Variants in CCDC77 observed in about 807,000 individuals in gnomAD.
The protein encoded by CCDC77 is coiled-coil domain-containing protein 77.
CCDC77 carries 56 observed loss-of-function variants against 66.8 expected under a neutral mutation model. That is an observed-to-expected ratio of 0.84 (90% CI 0.68 to 1.05). CCDC77 has a LOEUF of 1.05. Ranked by LOEUF, CCDC77 falls within the 50% of genes least tolerant of loss-of-function variation. The probability of loss-of-function intolerance (pLI) is 0.00; values close to 1 mark genes in which losing one functional copy is unlikely to be tolerated. For missense variants in CCDC77, 570 were observed against 576.8 expected, an observed-to-expected ratio of 0.99 and a Z score of 0.12; for synonymous variants, 196 against 195.2, an observed-to-expected ratio of 1.00 and a Z score of -0.03.
intron 1 of CCDC77, among the ~76,000 whole-genome samples, chr12:405,000 G>A (rs1434475701): frequency 6.6e-6 from 1 of 152,134 alleles, no homozygotes; most frequent in Non-Finnish European, 1.5e-5. Flanking sequence ...GGGATTACAG[G>A]CAGGAGCCAC....
At chr12:390,098 T>C (rs1944727213) in intron 1 of CCDC77, 1 of 133,978 alleles carries the variant, frequency 7.5e-6, no homozygotes, top group Admixed American at 8.4e-5. Flanking sequence ...CATTAATGAC[T>C]TCATCTATTC....
At chr12:406,118 C>T (rs1454046803) in intron 2 of CCDC77, among the ~76,000 whole-genome samples, 1 of 152,104 alleles carries the variant, frequency 6.6e-6, no homozygotes, top group East Asian at 1.9e-4. Flanking sequence ...CCATGTTGCC[C>T]AGGCTGGTCT....
rs763463538 is a variant in CCDC77, at chr12:441,906, C to G, written c.1453C>G (p.Leu485Val). The G allele has an allele frequency of 2.2e-5, 36 of 1,614,010 alleles. No homozygotes were observed. Among genetic ancestry groups the G allele is most frequent in the Non-Finnish European group, 2.8e-5 (33 of 1,180,032 alleles). Reference protein sequence around the residue: ...KSKVFGLENELRLC With the variant: ...KSKVFGLENEVRLC ...GAAAGTGTTTGGTCTGGAGAATGAA[C>G]TTAGACTCTGTTAATGTCTACTTTT... The change falls in exon 13 of 13, where the codon CTT (leucine) becomes GTT (valine). Residue 485 changes from leucine (L) to valine (V), a missense_variant. Physicochemically the swap from Leu to Val is conservative, Grantham distance 32. Transcript: ENST00000239830.
chr12:416,401 A>G lies in CCDC77; in HGVS notation c.271-2093A>G, dbSNP rs183878343. Among the ~76,000 whole-genome samples the G allele has an allele frequency of 2.6e-3, 138 of 53,624 alleles. 12 individuals are homozygous for G. The East Asian group carries it at 0.057, about 22-fold the overall frequency. The allele number at this position is 53,624 out of a possible 152,430, so 35.2% of individuals were successfully genotyped here. On this transcript the variant is annotated intron_variant, in intron 4 of 12. Coordinates refer to ENST00000239830, the MANE Select transcript of CCDC77 (RefSeq NM_032358.4). ...TGTATATATATATATATATATATAT[A>G]TATATATATATATATTTCTTTTTTT...
intron 10 of CCDC77, among the ~76,000 whole-genome samples, chr12:440,360 G>A (rs970488221): frequency 1.3e-5 from 2 of 152,168 alleles, no homozygotes; most frequent in Non-Finnish European, 2.9e-5. Context: ...CAGCTTCTGA[G>A]CTCCGTTATC....
chr12:424,993 C>T (rs939606401), intron 5 of CCDC77, among the ~76,000 whole-genome samples: 8 of 150,200 alleles, frequency 5.3e-5, no homozygotes, highest in African/African-American at 1.5e-4. Context: ...TGTAGTGGCA[C>T]GATCTCGGCT....
At chr12:425,966 G>A (rs1160992062) in intron 5 of CCDC77, among the ~76,000 whole-genome samples, 1 of 152,210 alleles carries the variant, frequency 6.6e-6, no homozygotes, top group African/African-American at 2.4e-5. Flanking sequence ...CCAGATTGAA[G>A]TGATTCTCCT....
chr12:399,993 GTAGTT>G (rs1473252720), upstream of CCDC77, among the ~76,000 whole-genome samples: 2 of 152,242 alleles, frequency 1.3e-5, no homozygotes, highest in South Asian at 2.1e-4. Context: ...TCAAAAGTCT[GTAGTT>G]TAGTTTAGCC....
intron 1 of CCDC77, among the ~76,000 whole-genome samples, chr12:390,416 A>G (rs1944734607): frequency 6.6e-6 from 1 of 152,208 alleles, no homozygotes; most frequent in African/African-American, 2.4e-5. Flanking sequence ...CTGCTTCTCC[A>G]TATGATCTAC....
intron 6 of CCDC77, among the ~76,000 whole-genome samples, chr12:429,963 T>C (rs1945618767): frequency 6.6e-6 from 1 of 152,130 alleles, no homozygotes; most frequent in African/African-American, 2.4e-5. Context: ...TATTACTAAA[T>C]AGCCCTGCAA....
chr12:416,361 G>GTATATATATATA (rs1945268883), intron 4 of CCDC77, among the ~76,000 whole-genome samples: 2 of 37,712 alleles, frequency 5.3e-5, no homozygotes, highest in Non-Finnish European at 5.1e-5. Context: ...GTGTGTGTGT[G>GTATATATATATA]TGTGTGTGTG....
chr12:411,770 G>A lies in CCDC77; in HGVS notation c.62G>A (p.Gly21Asp), dbSNP rs762989082. Reference protein sequence around the residue: ...CRKRTVVSKRGVAVSGPTKRR... With the variant: ...CRKRTVVSKRDVAVSGPTKRR... The stretch of plus-strand genomic sequence containing the variant: ...AGGCGAACAGTTGTCTCCAAACGTG[G>A]TGTTGCCGTCAGTGGTCCCACCAAG... The change falls in exon 4 of 13, where the codon GGT becomes GAT. Residue 21 changes from glycine to aspartate, a missense_variant. Coordinates refer to ENST00000239830, the MANE Select transcript of CCDC77 (RefSeq NM_032358.4). 6.2e-7 allele frequency: 1 copy of A among 1,613,802 alleles called. No individual in the cohort carries two copies. The highest frequency in any genetic ancestry group is 1.3e-5 in the African/African-American group (1 of 75,002).
chr12:423,593 T>C (rs1181900478), intron 5 of CCDC77, among the ~76,000 whole-genome samples: 1 of 145,796 alleles, frequency 6.9e-6, no homozygotes, highest in Non-Finnish European at 1.5e-5. Context: ...CCTCCCAGGC[T>C]CAGATGATCC....
At position 425,348 on chromosome 12, in the gene CCDC77, C is replaced by CG. The variant is rs150190580; in HGVS notation, c.414-3420dup. Among the ~76,000 whole-genome samples the CG allele has an allele frequency of 7.0e-3, 973 of 139,524 alleles. 6 individuals carry two copies. Among genetic ancestry groups the CG allele is most frequent in the Middle Eastern group, 0.014 (4 of 282 alleles). 91.5% of individuals were successfully genotyped at this position (139,524 alleles called of 152,430 possible). ...TTCTCAGCTGTAGACAGCATGGTCT[C>CG]GCTCCAGATTCTCAGAGGGTCTGTT... is the stretch of plus-strand genomic sequence containing the variant. On this transcript the variant is annotated intron_variant, in intron 5 of 12. Transcript: ENST00000239830.
intron 9 of CCDC77, among the ~76,000 whole-genome samples, chr12:438,099 G>A (rs1467883091): frequency 2.0e-5 from 3 of 152,152 alleles, no homozygotes; most frequent in Non-Finnish European, 4.4e-5. Context: ...TCGCACTCAG[G>A]AAAGTACCTG....
chr12:440,471 C>A, intron 10 of CCDC77, 146 bp from the exon 11 acceptor site: 1 of 819,990 alleles, frequency 1.2e-6, no homozygotes, highest in Non-Finnish European at 1.9e-6. Flanking sequence ...TTCAGATGTT[C>A]CTCAAAGTTC....
intron 3 of CCDC77, among the ~76,000 whole-genome samples, chr12:411,208 T>C (rs1945102228): frequency 6.6e-6 from 1 of 151,694 alleles, no homozygotes; most frequent in African/African-American, 2.4e-5. Flanking sequence ...AGAGTCTCGC[T>C]CTGTCGCCAG....
At chr12:401,847 A>G (rs1459912947) in intron 1 of CCDC77, among the ~76,000 whole-genome samples, 163 bp downstream of exon 1, 4 of 152,178 alleles carry the variant, frequency 2.6e-5, no homozygotes, top group Non-Finnish European at 2.9e-5. Context: ...GAAAGCTCCA[A>G]TGTGCAAAGG....
At chr12:399,807 C>G (rs953444755), upstream of CCDC77, among the ~76,000 whole-genome samples, 2 of 152,148 alleles carry the variant, frequency 1.3e-5, no homozygotes, top group South Asian at 2.1e-4. Flanking sequence ...CTTAAGGGCT[C>G]TAGGATTTCA....
Sources: gnomAD v4.1 joint callset for allele counts (sites outside exome capture counted in the v4.1 genomes callset) on GRCh38, gnomAD v4.1.1 for gene constraint, MANE v1.5 for transcripts, NCBI Gene and HGNC (gene_info 2026-07-23, HGNC 2026-07-21) for gene names.